Variants in FOXN3 observed in about 807,000 individuals in gnomAD.
The protein encoded by FOXN3 is forkhead box N3.
Under a neutral mutation model 38.4 loss-of-function variants are expected in FOXN3, and 7 were observed. That is an observed-to-expected ratio of 0.18 (90% confidence interval 0.10 to 0.34). The LOEUF (loss-of-function observed/expected upper bound fraction) is 0.34, where lower values mean the gene tolerates loss of function less well. Ranked by LOEUF, FOXN3 falls within the 10% of genes least tolerant of loss-of-function variation. The pLI, the probability that FOXN3 is intolerant of heterozygous loss-of-function variation, is 1.00. For missense variants in FOXN3, 456 were observed against 613.4 expected (o/e 0.74, Z 2.71); for synonymous variants, 230 against 242.2 (o/e 0.95, Z 0.47).
At chr14:89,549,016 G>A (rs1292005639) in intron 1 of FOXN3, among the ~76,000 whole-genome samples, 1 of 151,890 alleles carries the variant, frequency 6.6e-6, no homozygotes, top group South Asian at 2.1e-4. Context: ...CTACTCGGGA[G>A]GCTGAGACAG....
chr14:89,323,328 T>A (rs777561217), intron 3 of FOXN3, among the ~76,000 whole-genome samples: 4 of 144,858 alleles, frequency 2.8e-5, no homozygotes, highest in Admixed American at 1.4e-4. Context: ...AAAGAAAGAA[T>A]GACAGTGGGG....
intron 4 of FOXN3, among the ~76,000 whole-genome samples, chr14:89,225,472 T>C (rs111967209): frequency 0.019 from 2,838 of 151,760 alleles, 91 homozygotes; most frequent in African/African-American, 0.065. Flanking sequence ...GGCATGGTGG[T>C]GGGCGCCTGT....
chr14:89,360,397 A>G (rs1490725087), intron 2 of FOXN3, among the ~76,000 whole-genome samples: 2 of 149,156 alleles, frequency 1.3e-5, no homozygotes, highest in African/African-American at 4.9e-5. Flanking sequence ...GGAGGGAGGC[A>G]GGAAGACAGG....
intron 4 of FOXN3, chr14:89,264,104 T>C (rs958717348): frequency 3.9e-5 from 6 of 152,310 alleles, no homozygotes; most frequent in Non-Finnish European, 4.4e-5. Context: ...CAGCACCCTA[T>C]GAACTAACAG....
chr14:89,158,059 T>G lies in FOXN3; in HGVS notation c.*4355A>C, dbSNP rs575060366. The G allele has an allele frequency of 4.6e-5, 7 of 152,416 alleles. No homozygotes were observed. The South Asian group carries it at 1.2e-3, about 27-fold the overall frequency. The allele number at this position is 152,416 out of a possible 1,614,324, so 9.4% of individuals were successfully genotyped here. A position where few individuals can be genotyped will look rare whatever the true frequency, so the allele number is the denominator to read the frequency against. On this transcript the variant is annotated 3_prime_UTR_variant, in exon 6 of 6. Coordinates refer to ENST00000557258, the MANE Select transcript of FOXN3 (RefSeq NM_005197.4). ...AGGGAAAGAGAAATCACATGGAATT[T>G]AATCCAATCTCATCTAGAAAAGCTT...
intron 3 of FOXN3, among the ~76,000 whole-genome samples, chr14:89,317,968 A>T (rs1395260896): frequency 1.3e-5 from 2 of 150,546 alleles, no homozygotes; most frequent in Middle Eastern, 3.4e-3. Flanking sequence ...GAACAGTTTC[A>T]TCCCAAAACT....
At chr14:89,352,434 G>C (rs1484214348) in intron 2 of FOXN3, among the ~76,000 whole-genome samples, 1 of 152,132 alleles carries the variant, frequency 6.6e-6, no homozygotes, top group African/African-American at 2.4e-5. Flanking sequence ...GAGTGGAGAG[G>C]TTTGGGGGGA....
intron 1 of FOXN3, among the ~76,000 whole-genome samples, chr14:89,465,928 A>G (rs988696425): frequency 1.4e-4 from 21 of 152,254 alleles, no homozygotes; most frequent in African/African-American, 4.8e-4. Context: ...GTCCTTTAAG[A>G]CAGGCTGATT....
At position 89,290,810 on chromosome 14, in the gene FOXN3, G is replaced by A. The variant is rs143998435; in HGVS notation, c.681-9796C>T. 10 of 276,030 alleles carry A rather than the reference G, an allele frequency of 3.6e-5. No individual in the cohort carries two copies. The East Asian group carries it at 1.0e-3, about 29-fold the overall frequency. The allele number at this position is 276,030 out of a possible 1,614,324, so 17.1% of individuals were successfully genotyped here. A position where few individuals can be genotyped will look rare whatever the true frequency, so the allele number is the denominator to read the frequency against. ...CCAGAGCCCTGGTTCTGCAGGGTTA[G>A]GCTTCTCCCTGGTTAAACCGGGCAA... On this transcript the variant is annotated intron_variant, in intron 3 of 5. Transcript: ENST00000557258.
chr14:89,528,242 G>A (rs576141124), intron 1 of FOXN3, among the ~76,000 whole-genome samples: 1 of 152,130 alleles, frequency 6.6e-6, no homozygotes, highest in Admixed American at 6.5e-5. Context: ...TTTTGTGATA[G>A]CCCTAAACTG....
At chr14:89,525,300 C>T (rs552568745) in intron 1 of FOXN3, among the ~76,000 whole-genome samples, 4 of 152,220 alleles carry the variant, frequency 2.6e-5, no homozygotes, top group East Asian at 1.9e-4. Flanking sequence ...AAGATGGCCA[C>T]CAAAGTGATC....
chr14:89,220,803 A>T (rs548559652), intron 4 of FOXN3, among the ~76,000 whole-genome samples: 1 of 152,144 alleles, frequency 6.6e-6, no homozygotes, highest in African/African-American at 2.4e-5. Context: ...CGGCCAGAAG[A>T]ATGCCCTGAG....
At chr14:89,351,611 G>A (rs1388336718) in intron 2 of FOXN3, among the ~76,000 whole-genome samples, 1 of 152,196 alleles carries the variant, frequency 6.6e-6, no homozygotes, top group Non-Finnish European at 1.5e-5. Flanking sequence ...CTTCCTTTGA[G>A]GCCCCCCGGA....
chr14:89,246,582 C>G (rs895725605), intron 4 of FOXN3, among the ~76,000 whole-genome samples: 1 of 128,872 alleles, frequency 7.8e-6, no homozygotes, highest in Admixed American at 9.0e-5. Context: ...ACTCTGTTGC[C>G]AGGCTGGAGT....
intron 1 of FOXN3, among the ~76,000 whole-genome samples, chr14:89,593,243 G>A (rs931146787): frequency 6.6e-6 from 1 of 150,478 alleles, no homozygotes; most frequent in East Asian, 2.0e-4. Context: ...AAAGGAGGGA[G>A]GGAGGGAAGG....
intron 4 of FOXN3, among the ~76,000 whole-genome samples, chr14:89,231,613 G>C (rs1030770491): frequency 6.6e-6 from 1 of 152,134 alleles, no homozygotes; most frequent in Non-Finnish European, 1.5e-5. Flanking sequence ...GCGGGATGTG[G>C]GCACCAGCAG....
intron 1 of FOXN3, among the ~76,000 whole-genome samples, chr14:89,565,334 G>A (rs1244982609): frequency 1.3e-5 from 2 of 152,132 alleles, no homozygotes; most frequent in African/African-American, 4.8e-5. Flanking sequence ...GAACTTGTGA[G>A]GGAGTAAGTT....
intron 1 of FOXN3, among the ~76,000 whole-genome samples, chr14:89,616,898 T>G (rs1596334268): frequency 6.6e-6 from 1 of 152,190 alleles, no homozygotes; most frequent in South Asian, 2.1e-4. Flanking sequence ...CATTTTTGGT[T>G]GTTGTTGTAA....
chr14:89,171,718 A>G (rs1279265684), intron 5 of FOXN3, among the ~76,000 whole-genome samples: 3 of 152,236 alleles, frequency 2.0e-5, no homozygotes. Context: ...ATCACAGCAA[A>G]GTATGAATAG....
Sources: allele counts gnomAD v4.1 joint callset (sites outside exome capture counted in the v4.1 genomes callset), GRCh38; gene constraint gnomAD v4.1.1; transcripts MANE v1.5; gene names NCBI Gene and HGNC (gene_info 2026-07-23, HGNC 2026-07-21).